The following ADAM12 variants were observed in gnomAD, a reference collection of about 807,000 sequenced individuals.
The protein encoded by ADAM12 is ADAM metallopeptidase domain 12.
Under a neutral mutation model 106.4 loss-of-function variants are expected in ADAM12, and 70 were observed. The observed-to-expected ratio is 0.66, with a 90% CI of 0.54 to 0.80. ADAM12 has a LOEUF of 0.80. Ranked by LOEUF, ADAM12 falls within the 30% of genes least tolerant of loss-of-function variation. The pLI, the probability that ADAM12 is intolerant of heterozygous loss-of-function variation, is 0.00. For synonymous variants in ADAM12, 420 were observed against 433.5 expected (o/e 0.97, Z 0.39); for missense variants, 1,010 against 1,171.9 (o/e 0.86, Z 2.02).
chr10:126,369,096 A>C (rs940535671), intron 1 of ADAM12, among the ~76,000 whole-genome samples: 1 of 152,200 alleles, frequency 6.6e-6, no homozygotes, highest in African/African-American at 2.4e-5. Flanking sequence ...TACCTTTTCC[A>C]TATCAAATAT....
intron 1 of ADAM12, among the ~76,000 whole-genome samples, chr10:126,336,983 C>T (rs925248801): frequency 1.3e-5 from 2 of 152,134 alleles, no homozygotes; most frequent in African/African-American, 2.4e-5. Context: ...CCACAGAGGG[C>T]CGGCAAGAGG....
intron 3 of ADAM12, among the ~76,000 whole-genome samples, chr10:126,186,216 ATGT>A (rs1363859461): frequency 6.6e-6 from 1 of 152,162 alleles, no homozygotes; most frequent in African/African-American, 2.4e-5. Flanking sequence ...TAGGCTTACC[ATGT>A]TGTAATCCCC....
chr10:126,333,087 G>C (rs1854579307), intron 1 of ADAM12, among the ~76,000 whole-genome samples: 1 of 152,184 alleles, frequency 6.6e-6, no homozygotes, highest in Non-Finnish European at 1.5e-5. Context: ...GTTACCACGG[G>C]CATTGGCGTA....
chr10:126,166,798 T>G (rs1957033301), intron 3 of ADAM12, among the ~76,000 whole-genome samples: 1 of 152,176 alleles, frequency 6.6e-6, no homozygotes, highest in Non-Finnish European at 1.5e-5. Flanking sequence ...CTGTTTTTAA[T>G]GTGTCATGAT....
At chr10:126,112,043 A>G (rs894269956) in intron 6 of ADAM12, among the ~76,000 whole-genome samples, 1 of 152,226 alleles carries the variant, frequency 6.6e-6, no homozygotes, top group South Asian at 2.1e-4. Context: ...GTATATACAT[A>G]CACCACGGAA....
chr10:126,338,902 A>G (rs571536653), intron 1 of ADAM12, among the ~76,000 whole-genome samples: 27 of 152,236 alleles, frequency 1.8e-4, no homozygotes, highest in Non-Finnish European at 3.5e-4. Context: ...AACTTATTAA[A>G]TGGAATTAAA....
chr10:126,303,099 T>G (rs1960693670), intron 2 of ADAM12, among the ~76,000 whole-genome samples: 1 of 152,196 alleles, frequency 6.6e-6, no homozygotes, highest in Non-Finnish European at 1.5e-5. Context: ...TGATATTTGA[T>G]GTGTGAAACA....
At chr10:126,193,173 G>C (rs1183957361) in intron 3 of ADAM12, among the ~76,000 whole-genome samples, 1 of 139,794 alleles carries the variant, frequency 7.2e-6, no homozygotes, top group East Asian at 2.2e-4. Context: ...GCTGAGGCAA[G>C]AGAATCACTT....
intron 2 of ADAM12, among the ~76,000 whole-genome samples, chr10:126,313,105 T>A (rs1961185258): frequency 6.6e-6 from 1 of 152,186 alleles, no homozygotes; most frequent in African/African-American, 2.4e-5. Context: ...GGTGCAGTCA[T>A]CACCTGAGCC....
At chr10:126,235,468 C>T (rs1291631212) in intron 3 of ADAM12, among the ~76,000 whole-genome samples, 4 of 152,200 alleles carry the variant, frequency 2.6e-5, no homozygotes, top group African/African-American at 9.6e-5. Flanking sequence ...AGTCGGGCCC[C>T]TGGGTGTGAG....
intron 4 of ADAM12, among the ~76,000 whole-genome samples, chr10:126,141,014 G>A (rs1227788212): frequency 3.3e-5 from 5 of 152,200 alleles, no homozygotes; most frequent in African/African-American, 1.2e-4. Context: ...CCTGCCCAAG[G>A]GTGCACCTCT....
rs181811456 is a variant in ADAM12 at position 126,079,600 on chromosome 10, G to C, written c.1146-7946C>G. On this transcript the variant is annotated intron_variant, in intron 11 of 22. Transcript: ENST00000448723. ...ATCTGTTAATGATCCAGGTGATTTT[G>C]ATGCCCATTAGAGACTGGAAACAAC... is the stretch of plus-strand genomic sequence containing the variant. 6.1e-3 allele frequency among the ~76,000 whole-genome samples: 922 copies of C among 152,224 alleles called. 21 individuals are homozygous for C. Among genetic ancestry groups the C allele is most frequent in the Admixed American group, 0.035 (533 of 15,290 alleles).
chr10:126,340,646 T>C (rs1008091030), intron 1 of ADAM12, among the ~76,000 whole-genome samples: 18 of 151,896 alleles, frequency 1.2e-4, no homozygotes, highest in African/African-American at 4.4e-4. Context: ...ACCATCTTCC[T>C]CTCTCTACTG....
At chr10:126,173,299 T>C (rs1957153263) in intron 3 of ADAM12, among the ~76,000 whole-genome samples, 1 of 152,162 alleles carries the variant, frequency 6.6e-6, no homozygotes, top group African/African-American at 2.4e-5. Context: ...AGCAATGGCA[T>C]GAAGTCTGTT....
At chr10:126,276,704 T>C (rs1959262848) in intron 3 of ADAM12, among the ~76,000 whole-genome samples, 1 of 152,294 alleles carries the variant, frequency 6.6e-6, no homozygotes, top group East Asian at 1.9e-4. Context: ...TTTCTATGTA[T>C]TTTTGAAAAT....
At chr10:126,282,417 T>G (rs1959627814) in intron 2 of ADAM12, among the ~76,000 whole-genome samples, 1 of 152,226 alleles carries the variant, frequency 6.6e-6, no homozygotes, top group South Asian at 2.1e-4. Flanking sequence ...TACATTTCCC[T>G]TATTCCCAAC....
At chr10:126,314,411 T>C (rs1028361594) in intron 2 of ADAM12, among the ~76,000 whole-genome samples, 1 of 152,108 alleles carries the variant, frequency 6.6e-6, no homozygotes, top group African/African-American at 2.4e-5. Flanking sequence ...ACAGGGAGTG[T>C]TAGGGCTGCA....
intron 10 of ADAM12, among the ~76,000 whole-genome samples, chr10:126,097,806 C>G (rs935005354): frequency 1.3e-5 from 2 of 152,158 alleles, no homozygotes; most frequent in African/African-American, 4.8e-5. Flanking sequence ...CATAACGAGA[C>G]CCAAATAGTT....
intron 2 of ADAM12, among the ~76,000 whole-genome samples, chr10:126,303,498 G>A (rs976772845): frequency 1.3e-5 from 2 of 152,158 alleles, no homozygotes; most frequent in Non-Finnish European, 2.9e-5. Flanking sequence ...ATTACTTTCC[G>A]AGAGGAGAAG....
Sources: gnomAD v4.1 joint callset for allele counts (sites outside exome capture counted in the v4.1 genomes callset) on GRCh38, gnomAD v4.1.1 for gene constraint, MANE v1.5 for transcripts, NCBI Gene and HGNC (gene_info 2026-07-23, HGNC 2026-07-21) for gene names.